RSPH3: variants seen among roughly 807,000 people sequenced by gnomAD.
RSPH3 encodes radial spoke head 3.
Under a neutral mutation model 43.8 loss-of-function variants are expected in RSPH3, and 21 were observed. The ratio of observed to expected loss-of-function variants is 0.48; its 90% CI spans 0.34 to 0.69. The LOEUF is 0.69. RSPH3 is among the 30% of genes least tolerant of loss of function. The probability of loss-of-function intolerance (pLI) is 0.01; values close to 1 mark genes in which losing one functional copy is unlikely to be tolerated. For missense variants in RSPH3, 487 were observed against 516.0 expected (o/e 0.94, Z 0.54); for synonymous variants, 173 against 179.8 (o/e 0.96, Z 0.30).
chr6:158,980,315 C>A (rs1051093130), intron 6 of RSPH3, among the ~76,000 whole-genome samples: 1 of 152,068 alleles, frequency 6.6e-6, no homozygotes, highest in Non-Finnish European at 1.5e-5. Context: ...GTAATCTCAG[C>A]TACTCGGAAG....
the RSPH3 span, among the ~76,000 whole-genome samples, chr6:158,967,691 T>C: frequency 6.6e-6 from 1 of 152,232 alleles, no homozygotes; most frequent in African/African-American, 2.4e-5. Flanking sequence ...GAAATATCTA[T>C]TGCTTTGAGT....
At chr6:158,990,611 T>C (rs1184263204) in intron 2 of RSPH3, 1 of 152,174 alleles carries the variant, frequency 6.6e-6, no homozygotes, top group African/African-American at 2.4e-5. Context: ...TGTTCTCCTT[T>C]AGCTAACGTG....
In RSPH3 at chr6:158,999,566, G is replaced by C. The variant is rs766477742; in HGVS notation, c.-16C>G. 1.2e-5 allele frequency: 19 copies of C among 1,607,254 alleles called. No individual in the cohort carries two copies. The highest frequency in any genetic ancestry group is 1.6e-5 in the Non-Finnish European group (19 of 1,175,136). On this transcript the variant is annotated 5_prime_UTR_variant, in exon 1 of 8. Coordinates refer to ENST00000367069, the MANE Select transcript of RSPH3 (RefSeq NM_031924.8). ...CTGAGGCCATGTCCGGGGGCTGACTGCCTCGCTTTCGGTGGAGCTTGGCTT... is the reference window on the plus strand; with the variant it reads ...CTGAGGCCATGTCCGGGGGCTGACTCCCTCGCTTTCGGTGGAGCTTGGCTT...
Position 158,977,269 on chromosome 6 carries a change from C to A in RSPH3, c.*269G>T. 2.5e-6 allele frequency: 1 copy of A among 394,538 alleles called. No individual in the cohort carries two copies. Among genetic ancestry groups the A allele is most frequent in the Non-Finnish European group, 4.4e-6 (1 of 224,754 alleles). The allele number at this position is 394,538 out of a possible 1,614,324, so 24.4% of individuals were successfully genotyped here. A position where few individuals can be genotyped will look rare whatever the true frequency, so the allele number is the denominator to read the frequency against. ...TAAGGAAAAATATATTTGCTGGTTA[C>A]ATATAATGGTAATAGAAAGCTAGTA... On this transcript the variant is annotated 3_prime_UTR_variant, in exon 8 of 8. Coordinates refer to ENST00000367069, the MANE Select transcript of RSPH3 (RefSeq NM_031924.8).
At position 158,999,008 on chromosome 6, in the gene RSPH3, T is replaced by A. The variant is rs140412153; in HGVS notation, c.116+427A>T. ...TACTCGGCTCCCATTTTGGATATGCTACTGTTGGATATCTTTGCACCGCGG... is the reference window on the plus strand; with the variant it reads ...TACTCGGCTCCCATTTTGGATATGCAACTGTTGGATATCTTTGCACCGCGG... On this transcript the variant is annotated intron_variant, in intron 1 of 7. Coordinates refer to ENST00000367069, the MANE Select transcript of RSPH3 (RefSeq NM_031924.8). 8.1e-4 allele frequency among the ~76,000 whole-genome samples: 124 copies of A among 152,348 alleles called. 1 individual carries two copies. Among genetic ancestry groups the A allele is most frequent in the Middle Eastern group, 6.8e-3 (2 of 294 alleles).
chr6:158,994,307 T>G (rs17762289), intron 1 of RSPH3, among the ~76,000 whole-genome samples: 2,709 of 152,340 alleles, frequency 0.018, 34 homozygotes, highest in Middle Eastern at 0.024. Context: ...AGGAGCCTTC[T>G]TTAAAGTACT....
At chr6:158,977,888 A>G in intron 7 of RSPH3, 40 bp from the exon 8 acceptor site, 1 of 1,496,336 alleles carries the variant, frequency 6.7e-7, no homozygotes, top group Non-Finnish European at 9.1e-7. Flanking sequence ...TGATTTTCAT[A>G]TTATGGTATA....
chr6:158,993,496 C>A (rs1015726031), intron 2 of RSPH3, among the ~76,000 whole-genome samples: 3 of 149,590 alleles, frequency 2.0e-5, no homozygotes, highest in Non-Finnish European at 3.0e-5. Context: ...AAATTTATCA[C>A]CTTAACCATT....
intron 3 of RSPH3, among the ~76,000 whole-genome samples, chr6:158,984,437 TA>T (rs1562562127): frequency 0.018 from 895 of 49,458 alleles, 69 homozygotes; most frequent in Middle Eastern, 0.044. Flanking sequence ...AAGTCAATTA[TA>T]TATATATATA....
At chr6:158,994,938 C>A (rs142009449) in intron 1 of RSPH3, among the ~76,000 whole-genome samples, 1 of 152,074 alleles carries the variant, frequency 6.6e-6, no homozygotes, top group Non-Finnish European at 1.5e-5. Flanking sequence ...CAGTGTTAAG[C>A]CCAGCTGGCC....
At position 158,999,975 on chromosome 6, in the gene RSPH3, A is replaced by C. The variant is rs1562571025; in HGVS notation, c.-425T>G. 1.9e-6 allele frequency: 3 copies of C among 1,584,188 alleles called. No homozygotes were observed. The highest frequency in any genetic ancestry group is 2.6e-6 in the Non-Finnish European group (3 of 1,163,832). On this transcript the variant is annotated 5_prime_UTR_variant, in exon 1 of 8. It removes an upstream start codon present in the reference 5' UTR. Coordinates refer to ENST00000367069, the MANE Select transcript of RSPH3 (RefSeq NM_031924.8). ...GGCGGCCTTGGCTGGCTTGACCGTC[A>C]TCCTTGAGGCCTGCGGGGCAACGGT...
chr6:158,974,489 T>A lies in RSPH3; in HGVS notation c.*3049A>T, dbSNP rs940811349. 6.6e-6 allele frequency: 1 copy of A among 152,218 alleles called. No individual in the cohort carries two copies. The highest frequency in any genetic ancestry group is 2.4e-5 in the African/African-American group (1 of 41,470). The allele number at this position is 152,218 out of a possible 1,614,324, so 9.4% of individuals were successfully genotyped here. A position where few individuals can be genotyped will look rare whatever the true frequency, so the allele number is the denominator to read the frequency against. On this transcript the variant is annotated 3_prime_UTR_variant, in exon 8 of 8. Transcript: ENST00000367069. The stretch of plus-strand genomic sequence containing the variant: ...AGACATATGGAACCTAAGAATGCTA[T>A]CTTGTAATTTCCCAGAAAGTCCTTC...
downstream of RSPH3, among the ~76,000 whole-genome samples, chr6:158,970,568 T>A (rs1228011140): frequency 6.6e-6 from 1 of 151,786 alleles, no homozygotes; most frequent in East Asian, 1.9e-4. Context: ...TTTTTTGAGA[T>A]GGAGTCTCAC....
chr6:158,990,522 TC>T (rs1216924352), intron 2 of RSPH3: 1 of 152,228 alleles, frequency 6.6e-6, no homozygotes, highest in African/African-American at 2.4e-5. Context: ...GCTTGATAGT[TC>T]TTTAAGGACT....
At chr6:158,967,174 C>A in the RSPH3 span, among the ~76,000 whole-genome samples, 2 of 151,912 alleles carry the variant, frequency 1.3e-5, no homozygotes, top group East Asian at 3.9e-4. Flanking sequence ...CCATGCCTGG[C>A]TAATTTTTGT....
intron 1 of RSPH3, among the ~76,000 whole-genome samples, chr6:158,995,412 A>G (rs2092540): frequency 0.81 from 122,454 of 151,998 alleles, 49,799 homozygotes; most frequent in East Asian, 0.91. Context: ...TGTCAACAGG[A>G]CTGCACTCCT....
chr6:158,988,457 C>T (rs1193815375), intron 2 of RSPH3, among the ~76,000 whole-genome samples: 1 of 152,158 alleles, frequency 6.6e-6, no homozygotes, highest in East Asian at 1.9e-4. Flanking sequence ...GTTAGTATTT[C>T]TTAAAACAAG....
At chr6:158,992,235 A>C (rs1053772969) in intron 2 of RSPH3, among the ~76,000 whole-genome samples, 2 of 151,888 alleles carry the variant, frequency 1.3e-5, no homozygotes, top group African/African-American at 4.8e-5. Flanking sequence ...ACTCCGATTC[A>C]GGGCACACTG....
chr6:158,972,286 C>A (rs1404883031), downstream of RSPH3, among the ~76,000 whole-genome samples: 2 of 152,128 alleles, frequency 1.3e-5, no homozygotes, highest in Admixed American at 6.5e-5. Flanking sequence ...AAAGTGAAAA[C>A]CTCATCCTTA....
Sources: gnomAD v4.1 joint callset for allele counts (sites outside exome capture counted in the v4.1 genomes callset) on GRCh38, gnomAD v4.1.1 for gene constraint, MANE v1.5 for transcripts, NCBI Gene and HGNC (gene_info 2026-07-23, HGNC 2026-07-21) for gene names.